Variants in ARFGEF3 observed in about 807,000 individuals in gnomAD.
ARFGEF3 encodes brefeldin A-inhibited guanine nucleotide-exchange protein 3.
Under a neutral mutation model 221.7 loss-of-function variants are expected in ARFGEF3, and 96 were observed. The observed-to-expected ratio is 0.43, with a 90% CI of 0.37 to 0.51. ARFGEF3 has a LOEUF of 0.51. Among genes scored for constraint, ARFGEF3 ranks in the 20% least tolerant of loss-of-function variants. The probability of loss-of-function intolerance (pLI) is 0.00; values close to 1 mark genes in which losing one functional copy is unlikely to be tolerated. For missense variants in ARFGEF3, 2,410 were observed against 2,789.9 expected, an observed-to-expected ratio of 0.86 and a Z score of 3.07; for synonymous variants, 1,145 against 1,126.8, an observed-to-expected ratio of 1.02 and a Z score of -0.32.
At chr6:138,192,971 T>C (rs1001194067) in intron 2 of ARFGEF3, among the ~76,000 whole-genome samples, 1 of 152,170 alleles carries the variant, frequency 6.6e-6, no homozygotes, top group African/African-American at 2.4e-5. Context: ...AGAGTTCCAT[T>C]TGGTAGAAAA....
chr6:138,235,785 C>T (rs997761878), intron 5 of ARFGEF3, among the ~76,000 whole-genome samples: 3 of 152,048 alleles, frequency 2.0e-5, no homozygotes, highest in African/African-American at 7.2e-5. Context: ...TAAAGATAAC[C>T]ATGTCATCAA....
chr6:138,335,899 A>G (rs1780312300), intron 33 of ARFGEF3, among the ~76,000 whole-genome samples: 10 of 152,210 alleles, frequency 6.6e-5, no homozygotes, highest in Admixed American at 6.5e-4. Flanking sequence ...GTGCACATAA[A>G]AATTCTCATT....
intron 4 of ARFGEF3, among the ~76,000 whole-genome samples, chr6:138,225,075 C>A (rs1000072328): frequency 2.0e-5 from 3 of 152,160 alleles, no homozygotes; most frequent in African/African-American, 4.8e-5. Context: ...ACTCTCCCTG[C>A]ATCTTTTTTC....
At chr6:138,246,012 G>A (rs1778480159) in intron 8 of ARFGEF3, among the ~76,000 whole-genome samples, 1 of 152,246 alleles carries the variant, frequency 6.6e-6, no homozygotes, top group African/African-American at 2.4e-5. Flanking sequence ...GTTGGACTGT[G>A]CTCTATTTCT....
chr6:138,222,466 A>AG (rs751676792), intron 4 of ARFGEF3, among the ~76,000 whole-genome samples: 9 of 152,116 alleles, frequency 5.9e-5, no homozygotes, highest in African/African-American at 1.9e-4. Context: ...TTTTGTCCTC[A>AG]GGGGACGTTT....
At chr6:138,169,292 C>T (rs1334736190) in intron 1 of ARFGEF3, among the ~76,000 whole-genome samples, 2 of 152,220 alleles carry the variant, frequency 1.3e-5, no homozygotes, top group African/African-American at 2.4e-5. Context: ...GGATGCTCTT[C>T]GCCTTGGGTT....
rs1167355743 is a variant in ARFGEF3, at chr6:138,192,597, CA to C, written c.138-14444del. ...TGCATCCCTAGGCCTAAGGGCTGGC[CA>C]TGAAGCAGTTAACTGCAGTGATTGT... On this transcript the variant is annotated intron_variant, in intron 2 of 33. Transcript: ENST00000251691. Among the ~76,000 whole-genome samples, 3 of 152,216 alleles carry C rather than the reference CA, an allele frequency of 2.0e-5. No homozygotes were observed. In the East Asian group the frequency reaches 5.8e-4, roughly 29 times the overall value.
intron 2 of ARFGEF3, among the ~76,000 whole-genome samples, chr6:138,175,482 G>A (rs1270261355): frequency 6.6e-6 from 1 of 152,144 alleles, no homozygotes; most frequent in Non-Finnish European, 1.5e-5. Context: ...CACCGAAGAA[G>A]CCATCGATAG....
rs190676311 is a variant in ARFGEF3 at position 138,217,999 on chromosome 6, G to A, written c.351+7958G>A. Reference sequence around the variant, plus strand: ...GCAGGGCTGAGAGTTTATATGATCTGTGGATGTATAGTTTTGGATAAGTAG... The same window carrying A: ...GCAGGGCTGAGAGTTTATATGATCTATGGATGTATAGTTTTGGATAAGTAG... On this transcript the variant is annotated intron_variant, in intron 4 of 33. Transcript: ENST00000251691. 6.8e-6 allele frequency: 11 copies of A among 1,610,924 alleles called. No homozygotes were observed. The East Asian group carries it at 2.2e-4, about 33-fold the overall frequency.
In ARFGEF3 at chr6:138,284,008, G is replaced by A. The variant is rs188352917; in HGVS notation, c.2462-1938G>A. The stretch of plus-strand genomic sequence containing the variant: ...GGGGTGAGGGTGAAGTCCTAAACTC[G>A]GAATTAATACTAATAATTACAGGCA... On this transcript the variant is annotated intron_variant, in intron 14 of 33. Transcript: ENST00000251691. Among the ~76,000 whole-genome samples the A allele has an allele frequency of 5.4e-3, 820 of 152,198 alleles. 5 individuals are homozygous for A. Among genetic ancestry groups the A allele is most frequent in the Admixed American group, 9.0e-3 (138 of 15,272 alleles).
intron 2 of ARFGEF3, among the ~76,000 whole-genome samples, chr6:138,190,640 C>G (rs1450838294): frequency 6.6e-6 from 1 of 152,188 alleles, no homozygotes; most frequent in Non-Finnish European, 1.5e-5. Flanking sequence ...ATTTTTCTAT[C>G]TTCTGGAGCC....
chr6:138,291,662 C>T lies in ARFGEF3; in HGVS notation c.3048-71C>T, dbSNP rs1027428434. On this transcript the variant is annotated intron_variant, in intron 18 of 33. Coordinates refer to ENST00000251691, the MANE Select transcript of ARFGEF3 (RefSeq NM_020340.5). This position sits in a 1 kb window ranked among gnomAD's most constrained non-coding sequence, Gnocchi z 4.5. Reference sequence around the variant, plus strand: ...AGCTGGCTGCATTTCCTTTGTCTGGCACTGTGGGGTTTATGGAGCTGCCGG... The same window carrying T: ...AGCTGGCTGCATTTCCTTTGTCTGGTACTGTGGGGTTTATGGAGCTGCCGG... The T allele has an allele frequency of 5.3e-6, 6 of 1,122,278 alleles. No individual in the cohort carries two copies. Among genetic ancestry groups the T allele is most frequent in the African/African-American group, 1.6e-5 (1 of 61,612 alleles). 69.5% of individuals were successfully genotyped at this position (1,122,278 alleles called of 1,614,324 possible). A position where few individuals can be genotyped will look rare whatever the true frequency, so the allele number is the denominator to read the frequency against.
chr6:138,247,932 G>A (rs1778515072), intron 8 of ARFGEF3, among the ~76,000 whole-genome samples: 2 of 152,182 alleles, frequency 1.3e-5, no homozygotes, highest in African/African-American at 4.8e-5. Context: ...TCCACCACGG[G>A]AAACCACAGG....
intron 32 of ARFGEF3, 96 bp from the exon 33 acceptor site, chr6:138,333,874 C>T (rs573882269): frequency 7.3e-7 from 1 of 1,372,932 alleles, no homozygotes; most frequent in Non-Finnish European, 9.8e-7. Context: ...TGTAAATTTG[C>T]ATAGATCGTT....
chr6:138,335,858 G>C (rs1780311916), intron 33 of ARFGEF3, among the ~76,000 whole-genome samples: 1 of 152,080 alleles, frequency 6.6e-6, no homozygotes, highest in South Asian at 2.1e-4. Context: ...TTTTCAAATT[G>C]TTTTCATCTC....
rs372251473 is a variant in ARFGEF3, at chr6:138,260,364, T to C, written c.1105-1163T>C. ...GAGTATCAATCACTTTGAAGATGAA[T>C]GGACATACGCTAGGACGTCTACTGC... is the stretch of plus-strand genomic sequence containing the variant. On this transcript the variant is annotated intron_variant, in intron 10 of 33. Transcript: ENST00000251691. 8.5e-4 allele frequency among the ~76,000 whole-genome samples: 130 copies of C among 152,348 alleles called. 4 individuals are homozygous for C. The South Asian group carries it at 0.025, about 29-fold the overall frequency.
intron 4 of ARFGEF3, among the ~76,000 whole-genome samples, chr6:138,227,250 CT>C (rs1778102166): frequency 6.6e-6 from 1 of 152,246 alleles, no homozygotes; most frequent in Non-Finnish European, 1.5e-5. Context: ...GGGAGTCAAG[CT>C]TCCTGCATTC....
In ARFGEF3 at chr6:138,251,458, C is replaced by T. The variant is rs1209465703; in HGVS notation, c.666-2422C>T. Among the ~76,000 whole-genome samples the T allele has an allele frequency of 2.0e-5, 3 of 152,258 alleles. No individual in the cohort carries two copies. In the East Asian group the frequency reaches 5.8e-4, roughly 29 times the overall value. On this transcript the variant is annotated intron_variant, in intron 8 of 33. Coordinates refer to ENST00000251691, the MANE Select transcript of ARFGEF3 (RefSeq NM_020340.5). ...TTTAAATATGGCTTACAATTGACAC[C>T]ATGGCCCTCTGATTTGTCCTGTCCA... is the stretch of plus-strand genomic sequence containing the variant.
rs539582582 is a variant in ARFGEF3, at chr6:138,257,128, A to T, written c.1104+1359A>T. Among the ~76,000 whole-genome samples the T allele has an allele frequency of 3.3e-4, 50 of 152,238 alleles. 1 individual carries two copies. The South Asian group carries it at 1.0e-2, about 30-fold the overall frequency. ...TACTTCTTTTCCCCACCAGAGCTTCAGGCAATGGAGGTCAAAAGGCCAGCT... is the reference window on the plus strand; with the variant it reads ...TACTTCTTTTCCCCACCAGAGCTTCTGGCAATGGAGGTCAAAAGGCCAGCT... On this transcript the variant is annotated intron_variant, in intron 10 of 33. Coordinates refer to ENST00000251691, the MANE Select transcript of ARFGEF3 (RefSeq NM_020340.5).
Sources: gnomAD v4.1 joint callset for allele counts (sites outside exome capture counted in the v4.1 genomes callset) on GRCh38, gnomAD v4.1.1 for gene constraint, Gnocchi (gnomAD v3.1) non-coding constraint, MANE v1.5 for transcripts, NCBI Gene and HGNC (gene_info 2026-07-23, HGNC 2026-07-21) for gene names.